CARMIL1: variants seen among roughly 807,000 people sequenced by gnomAD.
CARMIL1 encodes the protein F-actin-uncapping protein LRRC16A.
Under a neutral mutation model 177.1 loss-of-function variants are expected in CARMIL1, and 90 were observed. The ratio of observed to expected loss-of-function variants is 0.51; its 90% confidence interval spans 0.43 to 0.61. CARMIL1 has a LOEUF of 0.61. Ranked by LOEUF, CARMIL1 falls within the 20% of genes least tolerant of loss-of-function variation. The probability of loss-of-function intolerance (pLI) is 0.00; values close to 1 mark genes in which losing one functional copy is unlikely to be tolerated. For missense variants in CARMIL1, 1,380 were observed against 1,667.0 expected (o/e 0.83, Z 3.00); for synonymous variants, 577 against 606.2 (o/e 0.95, Z 0.71).
chr6:25,516,776 C>G (rs894351949), intron 21 of CARMIL1, among the ~76,000 whole-genome samples: 1 of 152,176 alleles, frequency 6.6e-6, no homozygotes, highest in African/African-American at 2.4e-5. Flanking sequence ...CAAACAAACT[C>G]CTGTTTATAG....
intron 16 of CARMIL1, 79 bp from the exon 17 acceptor site, chr6:25,500,087 C>G: frequency 7.9e-7 from 1 of 1,264,448 alleles, no homozygotes; most frequent in Non-Finnish European, 1.2e-6. Flanking sequence ...TTTCTCTAGG[C>G]TTTATTCAGT....
chr6:25,290,573 T>A, intron 2 of CARMIL1, among the ~76,000 whole-genome samples: 1 of 151,938 alleles, frequency 6.6e-6, no homozygotes, highest in East Asian at 1.9e-4. Context: ...TTCTTCTGTT[T>A]GATTTGGAAT....
chr6:25,583,979 C>G (rs1420768628), intron 31 of CARMIL1, among the ~76,000 whole-genome samples: 1 of 150,820 alleles, frequency 6.6e-6, no homozygotes, highest in East Asian at 2.0e-4. Flanking sequence ...ACTGGTGACT[C>G]ATGGAAAGAG....
intron 8 of CARMIL1, among the ~76,000 whole-genome samples, chr6:25,453,852 A>AG (rs1799232463): frequency 6.6e-6 from 1 of 152,162 alleles, no homozygotes; most frequent in African/African-American, 2.4e-5. Context: ...AAGACACTGT[A>AG]GGGCAGCTTG....
chr6:25,508,337 T>C (rs796577258), intron 17 of CARMIL1, among the ~76,000 whole-genome samples: 25 of 152,320 alleles, frequency 1.6e-4, no homozygotes, highest in African/African-American at 6.0e-4. Context: ...GACCAGTCCC[T>C]TGGAGAGGTC....
chr6:25,345,007 A>T (rs1787352805), intron 2 of CARMIL1, among the ~76,000 whole-genome samples: 1 of 152,142 alleles, frequency 6.6e-6, no homozygotes, highest in Non-Finnish European at 1.5e-5. Context: ...AGAACGTTTG[A>T]ATGAGTCATC....
chr6:25,539,903 T>C (rs1808718148), intron 25 of CARMIL1, 44 bp from the exon 26 acceptor site: 1 of 1,427,526 alleles, frequency 7.0e-7, no homozygotes, highest in Non-Finnish European at 9.3e-7. Flanking sequence ...TTGATTGAAA[T>C]ATTTACCCAA....
intron 2 of CARMIL1, among the ~76,000 whole-genome samples, chr6:25,386,066 C>T (rs575960902): frequency 1.3e-5 from 2 of 152,296 alleles, no homozygotes; most frequent in East Asian, 1.9e-4. Context: ...GTGTATTTGC[C>T]TCATGCACAA....
At chr6:25,561,333 C>G (rs537789645) in intron 29 of CARMIL1, among the ~76,000 whole-genome samples, 1 of 152,228 alleles carries the variant, frequency 6.6e-6, no homozygotes, top group East Asian at 1.9e-4. Flanking sequence ...GAGTGAAGAG[C>G]CAGTGTCTGC....
chr6:25,354,963 A>C lies in CARMIL1; in HGVS notation c.139-65151A>C, dbSNP rs574115295. Among the ~76,000 whole-genome samples the C allele has an allele frequency of 3.3e-5, 5 of 152,332 alleles. No homozygotes were observed. The East Asian group carries it at 9.6e-4, about 29-fold the overall frequency. On this transcript the variant is annotated intron_variant, in intron 2 of 36. Coordinates refer to ENST00000329474, the MANE Select transcript of CARMIL1 (RefSeq NM_017640.6). ...TCACTCCCACACTTTCATAGATGTC[A>C]GTGAAAAGTCATCCTGATCAAGCTG...
At chr6:25,393,594 T>C (rs1389021601) in intron 2 of CARMIL1, 2 of 149,236 alleles carry the variant, frequency 1.3e-5, no homozygotes, top group South Asian at 2.1e-4. Context: ...AGTTTTTAGG[T>C]AGGGCATGGT....
At chr6:25,327,428 T>C (rs1019785454) in intron 2 of CARMIL1, among the ~76,000 whole-genome samples, 16 of 152,290 alleles carry the variant, frequency 1.1e-4, no homozygotes, top group Admixed American at 1.0e-3. Flanking sequence ...GAAATTGAAA[T>C]AAAAAGTCAA....
rs11414122 is a variant in CARMIL1, at chr6:25,296,935, T to TCTATCTTTAACTAACTAAC, written c.138+12026_138+12027insCTATCTTTAACTAACTAAC. On this transcript the variant is annotated intron_variant, in intron 2 of 36. Coordinates refer to ENST00000329474, the MANE Select transcript of CARMIL1 (RefSeq NM_017640.6). ...TATCTATCTATCTATCTATCTATCT[T>TCTATCTTTAACTAACTAAC]TAACTAACTAACTAACTAACTAACT... Among the ~76,000 whole-genome samples, 22 of 136,442 alleles carry TCTATCTTTAACTAACTAAC rather than the reference T, an allele frequency of 1.6e-4. No individual in the cohort carries two copies. The South Asian group carries it at 2.9e-3, about 18-fold the overall frequency. The allele number at this position is 136,442 out of a possible 152,430, so 89.5% of individuals were successfully genotyped here.
intron 29 of CARMIL1, among the ~76,000 whole-genome samples, chr6:25,559,406 T>A (rs1810918018): frequency 1.3e-5 from 2 of 152,198 alleles, no homozygotes; most frequent in African/African-American, 4.8e-5. Context: ...GTGTATGCAT[T>A]TTCCTTGGCA....
intron 33 of CARMIL1, among the ~76,000 whole-genome samples, chr6:25,601,047 G>C (rs1883260): frequency 0.45 from 68,953 of 151,888 alleles, 15,850 homozygotes; most frequent in South Asian, 0.54. Context: ...ACTTCCTGCC[G>C]TCTGGTAACC....
intron 12 of CARMIL1, among the ~76,000 whole-genome samples, chr6:25,485,918 C>T (rs1318120477): frequency 6.6e-6 from 1 of 150,660 alleles, no homozygotes; most frequent in East Asian, 1.9e-4. Context: ...ATATTCATGG[C>T]TCGATAACGC....
At chr6:25,592,162 G>T (rs1814382362) in intron 31 of CARMIL1, among the ~76,000 whole-genome samples, 1 of 152,112 alleles carries the variant, frequency 6.6e-6, no homozygotes, top group African/African-American at 2.4e-5. Flanking sequence ...CATCAATCAG[G>T]TGACCAGTGT....
intron 5 of CARMIL1, among the ~76,000 whole-genome samples, chr6:25,442,089 G>A (rs1797826463): frequency 6.6e-6 from 1 of 151,962 alleles, no homozygotes; most frequent in African/African-American, 2.4e-5. Context: ...CAGCATTAAA[G>A]CATGTGCTAT....
chr6:25,459,463 G>T (rs1030623881), intron 8 of CARMIL1, among the ~76,000 whole-genome samples: 1 of 151,314 alleles, frequency 6.6e-6, no homozygotes, highest in African/African-American at 2.4e-5. Flanking sequence ...ATGTTGCCCA[G>T]CTGGTCATGA....
Sources: allele counts gnomAD v4.1 joint callset (sites outside exome capture counted in the v4.1 genomes callset), GRCh38; gene constraint gnomAD v4.1.1; transcripts MANE v1.5; gene names NCBI Gene and HGNC (gene_info 2026-07-23, HGNC 2026-07-21).